Variants in ERC1 observed in about 807,000 individuals in gnomAD.
ERC1 encodes ELKS/RAB6-interacting/CAST family member 1.
In ERC1, 56 loss-of-function variants were observed where a neutral mutation model predicts 132.0. The observed-to-expected ratio is 0.42, with a 90% CI of 0.34 to 0.53. The LOEUF (loss-of-function observed/expected upper bound fraction) is 0.53. Ranked by LOEUF, ERC1 falls within the 20% of genes least tolerant of loss-of-function variation. The pLI is 0.03. For missense variants in ERC1, 1,202 were observed against 1,349.9 expected, an observed-to-expected ratio of 0.89 and a Z score of 1.72; for synonymous variants, 478 against 476.1, an observed-to-expected ratio of 1.00 and a Z score of -0.05.
chr12:1,216,050 A>C (rs796485971), intron 12 of ERC1, among the ~76,000 whole-genome samples: 34 of 152,266 alleles, frequency 2.2e-4, no homozygotes, highest in African/African-American at 7.9e-4. Context: ...TTTTGTATGA[A>C]AATAAATTGT....
chr12:1,312,511 A>G (rs1422090926), intron 15 of ERC1, among the ~76,000 whole-genome samples: 2 of 152,098 alleles, frequency 1.3e-5, no homozygotes, highest in Non-Finnish European at 2.9e-5. Context: ...GGTGCCTGCC[A>G]CCATGCCTGA....
intron 8 of ERC1, among the ~76,000 whole-genome samples, chr12:1,166,065 G>A (rs957710825): frequency 3.9e-5 from 6 of 152,104 alleles, no homozygotes; most frequent in African/African-American, 1.2e-4. Context: ...TAAGGCTTTG[G>A]GGGATATTGG....
At chr12:1,409,514 A>G (rs1247655940) in intron 17 of ERC1, among the ~76,000 whole-genome samples, 1 of 152,190 alleles carries the variant, frequency 6.6e-6, no homozygotes, top group Admixed American at 6.5e-5. Flanking sequence ...CAGCCCTGAG[A>G]TAGAGATAGC....
rs1420456619 is a variant in ERC1 at position 1,190,028 on chromosome 12, A to T, written c.2327A>T (p.Asp776Val). 6.2e-7 allele frequency: 1 copy of T among 1,613,768 alleles called. No homozygotes were observed. The highest frequency in any genetic ancestry group is 1.3e-5 in the African/African-American group (1 of 74,910). Reference protein sequence around the residue: ...KEVENEKNDKDKKIAELERQV... With the variant: ...KEVENEKNDKVKKIAELERQV... ...GTGGAAAATGAGAAGAATGACAAAGATAAGAAGATAGCTGAGTTGGAAAGG... is the reference window on the plus strand; with the variant it reads ...GTGGAAAATGAGAAGAATGACAAAGTTAAGAAGATAGCTGAGTTGGAAAGG... Residue 776 changes from aspartate (D) to valine (V), a missense_variant, in exon 12 of 19, where the codon GAT (aspartate) becomes GTT (valine). Asp to Val is a radical substitution (Grantham distance 152). Transcript: ENST00000360905.
chr12:1,027,038 T>A (rs1592777333), intron 1 of ERC1, among the ~76,000 whole-genome samples: 1 of 152,326 alleles, frequency 6.6e-6, no homozygotes, highest in East Asian at 1.9e-4. Flanking sequence ...ACAGATAACT[T>A]TGTTTAGGTG....
intron 15 of ERC1, among the ~76,000 whole-genome samples, chr12:1,333,617 C>T (rs141348558): frequency 1.4e-4 from 22 of 152,252 alleles, no homozygotes; most frequent in African/African-American, 5.3e-4. Flanking sequence ...AGGCGTGAGC[C>T]ACCGCACCCG....
At chr12:1,148,535 A>G (rs965741283) in intron 8 of ERC1, among the ~76,000 whole-genome samples, 3 of 152,174 alleles carry the variant, frequency 2.0e-5, no homozygotes, top group Admixed American at 6.6e-5. Context: ...ATGTGTCTTA[A>G]AACTTACCAG....
chr12:1,062,194 A>G (rs1003770785), intron 2 of ERC1, among the ~76,000 whole-genome samples: 2 of 152,026 alleles, frequency 1.3e-5, no homozygotes, highest in African/African-American at 2.4e-5. Flanking sequence ...CGTGTTAGCC[A>G]GGATGGTCTT....
At chr12:1,396,372 A>AT (rs1405724241) in intron 16 of ERC1, among the ~76,000 whole-genome samples, 1 of 152,186 alleles carries the variant, frequency 6.6e-6, no homozygotes, top group Admixed American at 6.5e-5. Flanking sequence ...CAAACCTATC[A>AT]TTTTTTTGCA....
intron 12 of ERC1, among the ~76,000 whole-genome samples, chr12:1,193,279 A>G (rs913728698): frequency 6.8e-4 from 104 of 152,246 alleles, no homozygotes; most frequent in African/African-American, 2.4e-3. Flanking sequence ...ACCCACTGCA[A>G]TTTTAAAAAG....
chr12:1,016,398 A>C (rs556959413), intron 1 of ERC1, among the ~76,000 whole-genome samples: 11 of 152,290 alleles, frequency 7.2e-5, no homozygotes, highest in Middle Eastern at 3.4e-3. Context: ...ATAAAGAGCT[A>C]TTATTATTTT....
chr12:1,290,891 C>G lies in ERC1; in HGVS notation c.2780+879C>G, dbSNP rs1337793895. Among the ~76,000 whole-genome samples the G allele has an allele frequency of 3.3e-5, 5 of 152,160 alleles. No homozygotes were observed. The East Asian group carries it at 7.7e-4, about 23-fold the overall frequency. ...CTTTCTGTCACAGATTTCAAGTCCC[C>G]GCCTCAGCAGCCTTTCACTGTCAGT... On this transcript the variant is annotated intron_variant, in intron 15 of 18. Coordinates refer to ENST00000360905, the MANE Select transcript of ERC1 (RefSeq NM_178040.4).
chr12:1,127,432 C>T (rs966319588), intron 7 of ERC1, among the ~76,000 whole-genome samples: 3 of 151,584 alleles, frequency 2.0e-5, no homozygotes, highest in Non-Finnish European at 2.9e-5. Context: ...TGGATATGTA[C>T]CATGGAATAC....
At chr12:1,282,040 A>T (rs916863343) in intron 14 of ERC1, among the ~76,000 whole-genome samples, 2 of 151,690 alleles carry the variant, frequency 1.3e-5, no homozygotes, top group African/African-American at 4.8e-5. Context: ...TTTTTTTTTT[A>T]AATAAAAGGA....
chr12:1,199,090 C>T lies in ERC1; in HGVS notation c.2351+9038C>T, dbSNP rs551388930. On this transcript the variant is annotated intron_variant, in intron 12 of 18. Coordinates refer to ENST00000360905, the MANE Select transcript of ERC1 (RefSeq NM_178040.4). ...ATGACCCAGTCACTTCCCACCAGGCCCCACCTCCAACACTGGGGATCACAA... is the reference window on the plus strand; with the variant it reads ...ATGACCCAGTCACTTCCCACCAGGCTCCACCTCCAACACTGGGGATCACAA... 8.7e-5 allele frequency among the ~76,000 whole-genome samples: 13 copies of T among 150,274 alleles called. No individual in the cohort carries two copies. The South Asian group carries it at 2.8e-3, about 32-fold the overall frequency.
At chr12:1,210,490 G>T (rs907925150) in intron 12 of ERC1, among the ~76,000 whole-genome samples, 1 of 152,162 alleles carries the variant, frequency 6.6e-6, no homozygotes, top group South Asian at 2.1e-4. Flanking sequence ...TGATAGCAAA[G>T]ATCTCAAAAC....
chr12:1,177,659 A>G (rs776677294), intron 8 of ERC1, among the ~76,000 whole-genome samples: 13 of 152,212 alleles, frequency 8.5e-5, no homozygotes, highest in Non-Finnish European at 1.8e-4. Context: ...ATCAGAGATC[A>G]CTGATCACGG....
intron 8 of ERC1, among the ~76,000 whole-genome samples, chr12:1,170,971 GTTATA>G (rs1431842299): frequency 6.6e-6 from 1 of 152,086 alleles, no homozygotes; most frequent in Non-Finnish European, 1.5e-5. Flanking sequence ...GAAGAATATT[GTTATA>G]TTTTATAATT....
chr12:1,077,841 TC>T (rs1472111514), intron 2 of ERC1, among the ~76,000 whole-genome samples: 1 of 152,218 alleles, frequency 6.6e-6, no homozygotes, highest in Non-Finnish European at 1.5e-5. Flanking sequence ...TCTGCTTTTT[TC>T]CTTCTTCTAA....
Sources: gnomAD v4.1 joint callset for allele counts (sites outside exome capture counted in the v4.1 genomes callset) on GRCh38, gnomAD v4.1.1 for gene constraint, MANE v1.5 for transcripts, NCBI Gene and HGNC (gene_info 2026-07-23, HGNC 2026-07-21) for gene names.